PELI2: variants seen among roughly 807,000 people sequenced by gnomAD.
PELI2 encodes the protein pellino E3 ubiquitin protein ligase family member 2.
Under a neutral mutation model 42.3 loss-of-function variants are expected in PELI2, and 23 were observed. That is an observed-to-expected ratio of 0.54 (90% confidence interval 0.39 to 0.77). The LOEUF (loss-of-function observed/expected upper bound fraction) is 0.77. Ranked by LOEUF, PELI2 falls within the 30% of genes least tolerant of loss-of-function variation. The pLI, the probability that PELI2 is intolerant of heterozygous loss-of-function variation, is 0.00. For synonymous variants in PELI2, 245 were observed against 212.2 expected (o/e 1.15, Z -1.34); for missense variants, 463 against 553.2 (o/e 0.84, Z 1.64).
chr14:56,265,891 A>T (rs2139844965), intron 2 of PELI2, among the ~76,000 whole-genome samples: 1 of 152,186 alleles, frequency 6.6e-6, no homozygotes, highest in East Asian at 1.9e-4. Context: ...AACCACAATG[A>T]GATATCACTA....
intron 2 of PELI2, among the ~76,000 whole-genome samples, chr14:56,252,886 C>G (rs1479781842): frequency 6.6e-6 from 1 of 152,144 alleles, no homozygotes; most frequent in Non-Finnish European, 1.5e-5. Flanking sequence ...ATACCAAAAC[C>G]TGGCAGAGAC....
intron 2 of PELI2, among the ~76,000 whole-genome samples, chr14:56,228,939 C>T (rs1481965662): frequency 1.3e-5 from 2 of 152,244 alleles, no homozygotes; most frequent in African/African-American, 4.8e-5. Context: ...AAACAGCACA[C>T]CAGGAGATTA....
At chr14:56,235,187 C>G (rs1887745977) in intron 2 of PELI2, among the ~76,000 whole-genome samples, 1 of 151,798 alleles carries the variant, frequency 6.6e-6, no homozygotes, top group Non-Finnish European at 1.5e-5. Flanking sequence ...TTGCACCAAC[C>G]TAATAGTTAA....
chr14:56,124,452 G>A (rs1883175463), intron 1 of PELI2, among the ~76,000 whole-genome samples: 1 of 152,192 alleles, frequency 6.6e-6, no homozygotes, highest in East Asian at 1.9e-4. Context: ...ACTCTTCCAG[G>A]CATGAGGAAT....
At chr14:56,239,690 C>A (rs1356072645) in intron 2 of PELI2, among the ~76,000 whole-genome samples, 2 of 152,130 alleles carry the variant, frequency 1.3e-5, no homozygotes, top group East Asian at 3.9e-4. Context: ...GTTCAGTGCC[C>A]TATGGTCCTT....
intron 2 of PELI2, among the ~76,000 whole-genome samples, chr14:56,243,158 AAAAG>A (rs1156772886): frequency 2.0e-5 from 3 of 152,242 alleles, no homozygotes; most frequent in Non-Finnish European, 4.4e-5. Context: ...AACAACAGAA[AAAAG>A]AAAATGAAGG....
intron 2 of PELI2, among the ~76,000 whole-genome samples, chr14:56,211,564 A>T (rs1274122179): frequency 6.6e-6 from 1 of 152,240 alleles, no homozygotes. Flanking sequence ...TGATGCCTGT[A>T]TCTTCAGCTC....
intron 1 of PELI2, among the ~76,000 whole-genome samples, chr14:56,130,890 C>T (rs1883459127): frequency 6.6e-6 from 1 of 152,098 alleles, no homozygotes; most frequent in African/African-American, 2.4e-5. Context: ...GTGGCATGTA[C>T]CCTTGAAATC....
At chr14:56,237,753 C>G (rs1237395033) in intron 2 of PELI2, among the ~76,000 whole-genome samples, 1 of 150,932 alleles carries the variant, frequency 6.6e-6, no homozygotes, top group Non-Finnish European at 1.5e-5. Context: ...CAGATATGAC[C>G]TAAACATGTC....
At chr14:56,181,356 T>G (rs1460255247) in intron 2 of PELI2, among the ~76,000 whole-genome samples, 1 of 150,718 alleles carries the variant, frequency 6.6e-6, no homozygotes, top group Non-Finnish European at 1.5e-5. Flanking sequence ...TTTTTTTTTT[T>G]TTTTTTGGTC....
chr14:56,199,403 G>A (rs182909276), intron 2 of PELI2, among the ~76,000 whole-genome samples: 75 of 152,314 alleles, frequency 4.9e-4, no homozygotes, highest in African/African-American at 1.8e-3. Context: ...TCACAGTTCA[G>A]TTAACCAAGA....
chr14:56,134,430 A>G (rs941158834), intron 1 of PELI2, among the ~76,000 whole-genome samples: 1 of 152,132 alleles, frequency 6.6e-6, no homozygotes, highest in Non-Finnish European at 1.5e-5. Context: ...TTTTCCTGAT[A>G]GTTATCCATC....
chr14:56,118,414 AT>A lies in PELI2; in HGVS notation c.-244del. The A allele has an allele frequency of 3.7e-6, 1 of 270,602 alleles. No individual in the cohort carries two copies. The highest frequency in any genetic ancestry group is 6.9e-6 in the Non-Finnish European group (1 of 145,560). 16.8% of individuals were successfully genotyped at this position (270,602 alleles called of 1,614,324 possible). On this transcript the variant is annotated 5_prime_UTR_variant, in exon 1 of 6. Coordinates refer to ENST00000267460, the MANE Select transcript of PELI2 (RefSeq NM_021255.3). ...GCAGGTCCCCCTGCTGCCGGGTCCC[AT>A]TTGTTGCCGGCTCTGACTCGGGGCG...
At position 56,218,702 on chromosome 14, in the gene PELI2, C is replaced by CGT. The variant is rs111825772; in HGVS notation, c.207+40261_207+40262dup. Among the ~76,000 whole-genome samples, 1,496 of 149,766 alleles carry CGT rather than the reference C, an allele frequency of 1.0e-2. 16 individuals are homozygous for CGT. Among genetic ancestry groups the CGT allele is most frequent in the African/African-American group, 0.027 (1,099 of 40,756 alleles). On this transcript the variant is annotated intron_variant, in intron 2 of 5. Transcript: ENST00000267460. The stretch of plus-strand genomic sequence containing the variant: ...CTGTGTGCATGCACGCACATGTGTG[C>CGT]GTGTGTGTGTGTGTGTGTGTGTGTT...
chr14:56,162,750 C>T (rs1266135345), intron 1 of PELI2, among the ~76,000 whole-genome samples: 1 of 152,158 alleles, frequency 6.6e-6, no homozygotes, highest in Admixed American at 6.5e-5. Context: ...GTTCCCTTTT[C>T]TCCATGTCCT....
intron 1 of PELI2, among the ~76,000 whole-genome samples, chr14:56,132,210 A>C (rs1445691563): frequency 6.6e-6 from 1 of 152,182 alleles, no homozygotes; most frequent in Non-Finnish European, 1.5e-5. Flanking sequence ...GACTCTGCAC[A>C]GTCAGTAAAG....
intron 2 of PELI2, among the ~76,000 whole-genome samples, chr14:56,190,449 T>C (rs182591965): frequency 1.3e-5 from 2 of 152,330 alleles, no homozygotes; most frequent in Non-Finnish European, 2.9e-5. Flanking sequence ...TTTCATAAAG[T>C]GAACACATCC....
chr14:56,243,123 A>T (rs1359013315), intron 2 of PELI2, among the ~76,000 whole-genome samples: 2 of 151,990 alleles, frequency 1.3e-5, no homozygotes, highest in Non-Finnish European at 2.9e-5. Flanking sequence ...GTTGATTTCT[A>T]ATCCATTGAT....
At chr14:56,276,046 T>C (rs773688295) in intron 2 of PELI2, among the ~76,000 whole-genome samples, 1 of 152,194 alleles carries the variant, frequency 6.6e-6, no homozygotes, top group African/African-American at 2.4e-5. Flanking sequence ...GAATCTGTCA[T>C]TTACTAGAAA....
Sources: gnomAD v4.1 joint callset for allele counts (sites outside exome capture counted in the v4.1 genomes callset) on GRCh38, gnomAD v4.1.1 for gene constraint, MANE v1.5 for transcripts, NCBI Gene and HGNC (gene_info 2026-07-23, HGNC 2026-07-21) for gene names.